LHPP: variants seen among roughly 807,000 people sequenced by gnomAD.
LHPP encodes the protein phospholysine phosphohistidine inorganic pyrophosphate phosphatase.
Under a neutral mutation model 30.3 loss-of-function variants are expected in LHPP, and 24 were observed. The ratio of observed to expected loss-of-function variants is 0.79; its 90% confidence interval spans 0.57 to 1.11. The LOEUF (loss-of-function observed/expected upper bound fraction) is 1.11. LHPP is among the 50% of genes most tolerant of loss of function. The pLI is 0.00. For synonymous variants in LHPP, 150 were observed against 157.1 expected, an observed-to-expected ratio of 0.95 and a Z score of 0.34; for missense variants, 356 against 367.2, an observed-to-expected ratio of 0.97 and a Z score of 0.25.
intron 6 of LHPP, among the ~76,000 whole-genome samples, chr10:124,525,775 C>T (rs1954717010): frequency 1.3e-5 from 2 of 152,206 alleles, no homozygotes; most frequent in Non-Finnish European, 2.9e-5. Flanking sequence ...GGAACAGTCA[C>T]CCTCTCTGGT....
chr10:124,584,712 G>A (rs898025297), intron 6 of LHPP, among the ~76,000 whole-genome samples: 10 of 152,242 alleles, frequency 6.6e-5, no homozygotes, highest in Middle Eastern at 3.4e-3. Flanking sequence ...AGCAGGGAGC[G>A]TTGCCATCTT....
At position 124,586,397 on chromosome 10, in the gene LHPP, A is replaced by T. The variant is rs552502579; in HGVS notation, c.717-26867A>T. Among the ~76,000 whole-genome samples the T allele has an allele frequency of 5.9e-4, 90 of 152,258 alleles. 1 individual carries two copies. The highest frequency in any genetic ancestry group is 8.4e-4 in the Non-Finnish European group (57 of 68,024). On this transcript the variant is annotated intron_variant, in intron 6 of 6. Transcript: ENST00000368842. Reference sequence around the variant, plus strand: ...TCTTCCTTCTGGAGTTGGGAGGGGGAAATAGCCCTGCCCCAACATGTGATC... The same window carrying T: ...TCTTCCTTCTGGAGTTGGGAGGGGGTAATAGCCCTGCCCCAACATGTGATC...
chr10:124,519,902 G>A (rs913558838), intron 6 of LHPP, among the ~76,000 whole-genome samples: 16 of 151,342 alleles, frequency 1.1e-4, no homozygotes, highest in East Asian at 1.9e-4. Context: ...GCGCAGTCTC[G>A]GCTCACTGCA....
intron 6 of LHPP, among the ~76,000 whole-genome samples, chr10:124,602,171 C>T (rs531605044): frequency 1.3e-5 from 2 of 152,330 alleles, no homozygotes; most frequent in South Asian, 2.1e-4. Context: ...GCCCAGATTT[C>T]GATTCTTGTG....
rs530778002 is a variant in LHPP, at chr10:124,541,410, A to G, written c.716+24139A>G. 1.3e-5 allele frequency among the ~76,000 whole-genome samples: 2 copies of G among 152,318 alleles called. No individual in the cohort carries two copies. The highest frequency in any genetic ancestry group is 4.8e-5 in the African/African-American group (2 of 41,578). Reference sequence around the variant, plus strand: ...TTGCAAGAACATTGCCTGTGGCTCAAAATGGCCACATGGGATGCAGTTCCT... The same window carrying G: ...TTGCAAGAACATTGCCTGTGGCTCAGAATGGCCACATGGGATGCAGTTCCT... On this transcript the variant is annotated intron_variant, in intron 6 of 6. Coordinates refer to ENST00000368842, the MANE Select transcript of LHPP (RefSeq NM_022126.4). This position sits in a 1 kb window ranked among gnomAD's most constrained non-coding sequence, Gnocchi z 4.2.
chr10:124,472,447 T>G (rs1268660029), intron 1 of LHPP, among the ~76,000 whole-genome samples: 1 of 152,210 alleles, frequency 6.6e-6, no homozygotes, highest in Admixed American at 6.5e-5. Context: ...CTTCAGACTG[T>G]TAGACAGCTA....
In LHPP at chr10:124,487,324, C is replaced by G. The variant is rs190886874; in HGVS notation, c.314-1098C>G. 5.8e-3 allele frequency among the ~76,000 whole-genome samples: 885 copies of G among 152,324 alleles called. 8 individuals carry two copies. Among genetic ancestry groups the G allele is most frequent in the African/African-American group, 0.019 (773 of 41,566 alleles). On this transcript the variant is annotated intron_variant, in intron 2 of 6. Transcript: ENST00000368842. ...GGGATTGCAATATTTTACACGTCCT[C>G]CATCTGCTGCAGCTGTTCAGTATCC...
chr10:124,495,834 T>C (rs1450757237), intron 3 of LHPP, among the ~76,000 whole-genome samples: 1 of 152,274 alleles, frequency 6.6e-6, no homozygotes, highest in Non-Finnish European at 1.5e-5. Flanking sequence ...GCATGCGTTA[T>C]TTTGTTCAAG....
chr10:124,494,439 GCATTT>G (rs1953639221), intron 3 of LHPP, among the ~76,000 whole-genome samples: 1 of 152,216 alleles, frequency 6.6e-6, no homozygotes, highest in Admixed American at 6.5e-5. Context: ...TGCTGGGTAA[GCATTT>G]CCTGTGTGGG....
At chr10:124,472,716 T>C (rs12354967) in intron 1 of LHPP, among the ~76,000 whole-genome samples, 23,038 of 151,846 alleles carry the variant, frequency 0.15, 1,938 homozygotes, top group Non-Finnish European at 0.19. Flanking sequence ...TGCCACCACG[T>C]CTGGCTAACT....
At chr10:124,485,154 G>A (rs887339439) in intron 2 of LHPP, among the ~76,000 whole-genome samples, 1 of 151,980 alleles carries the variant, frequency 6.6e-6, no homozygotes, top group African/African-American at 2.4e-5. Flanking sequence ...TCATAGCCCT[G>A]GTGCCAGTTA....
intron 6 of LHPP, among the ~76,000 whole-genome samples, chr10:124,612,308 G>A (rs775281388): frequency 6.6e-6 from 1 of 152,166 alleles, no homozygotes; most frequent in Non-Finnish European, 1.5e-5. Flanking sequence ...CAAGAGCCGA[G>A]GCAGGAGAAT....
intron 3 of LHPP, among the ~76,000 whole-genome samples, chr10:124,491,610 G>A (rs1953531836): frequency 6.6e-6 from 1 of 152,216 alleles, no homozygotes; most frequent in Non-Finnish European, 1.5e-5. Flanking sequence ...ACATTCTAGA[G>A]CAGACTTTTT....
chr10:124,589,365 A>T (rs1948847845), intron 6 of LHPP, among the ~76,000 whole-genome samples: 1 of 152,242 alleles, frequency 6.6e-6, no homozygotes, highest in South Asian at 2.1e-4. Context: ...CCCTGTTATC[A>T]TTCAGGCTTC....
rs904881794 is a variant in LHPP at position 124,478,558 on chromosome 10, C to A, written c.126-5581C>A. On this transcript the variant is annotated intron_variant, in intron 1 of 6. Transcript: ENST00000368842. This position sits in a 1 kb window ranked among gnomAD's most constrained non-coding sequence, Gnocchi z 4.7. The stretch of plus-strand genomic sequence containing the variant: ...GTCCAATAATTGTCCTAACAGTTTA[C>A]CTGCTGTGGAACAGTAATGAGAGGG... Among the ~76,000 whole-genome samples the A allele has an allele frequency of 2.6e-5, 4 of 152,242 alleles. No individual in the cohort carries two copies. Among genetic ancestry groups the A allele is most frequent in the African/African-American group, 9.6e-5 (4 of 41,472 alleles).
At chr10:124,572,918 A>T (rs1948609005) in intron 6 of LHPP, among the ~76,000 whole-genome samples, 1 of 152,198 alleles carries the variant, frequency 6.6e-6, no homozygotes, top group African/African-American at 2.4e-5. Context: ...TCATAGCAGA[A>T]TATCAGCTCC....
chr10:124,600,025 C>T (rs1123988), intron 6 of LHPP, among the ~76,000 whole-genome samples: 28,859 of 152,104 alleles, frequency 0.19, 3,075 homozygotes, highest in East Asian at 0.27. Context: ...GAGGGTGTTC[C>T]AGGCAGAGGA....
chr10:124,524,233 T>C (rs1441975812), intron 6 of LHPP, among the ~76,000 whole-genome samples: 1 of 151,460 alleles, frequency 6.6e-6, no homozygotes, highest in African/African-American at 2.4e-5. Flanking sequence ...CCCCAGACAA[T>C]CACTAATCTA....
At chr10:124,547,941 C>T (rs1213016747) in intron 6 of LHPP, among the ~76,000 whole-genome samples, 1 of 152,236 alleles carries the variant, frequency 6.6e-6, no homozygotes, top group Non-Finnish European at 1.5e-5. Flanking sequence ...CCTGTCCAGG[C>T]AGGGCAGCCT....
Sources: gnomAD v4.1 joint callset for allele counts (sites outside exome capture counted in the v4.1 genomes callset) on GRCh38, gnomAD v4.1.1 for gene constraint, Gnocchi (gnomAD v3.1) non-coding constraint, MANE v1.5 for transcripts, NCBI Gene and HGNC (gene_info 2026-07-23, HGNC 2026-07-21) for gene names.